The following PRDM5 variants were observed in gnomAD, a reference collection of about 807,000 sequenced individuals.
PRDM5 encodes PR domain zinc finger protein 5.
In PRDM5, 56 loss-of-function variants were observed where a neutral mutation model predicts 81.2. The observed-to-expected ratio is 0.69, with a 90% CI of 0.56 to 0.86. PRDM5 has a LOEUF of 0.86. PRDM5 is among the 40% of genes least tolerant of loss of function. The probability of loss-of-function intolerance (pLI) is 0.00; values close to 1 mark genes in which losing one functional copy is unlikely to be tolerated. For missense variants in PRDM5, 697 were observed against 770.1 expected (o/e 0.91, Z 1.12); for synonymous variants, 267 against 256.4 (o/e 1.04, Z -0.39).
At chr4:120,695,762 C>T (rs565736427) in intron 15 of PRDM5, among the ~76,000 whole-genome samples, 1 of 152,154 alleles carries the variant, frequency 6.6e-6, no homozygotes, top group South Asian at 2.1e-4. Context: ...GCCACATTCC[C>T]ACCTGGCTCA....
intron 2 of PRDM5, among the ~76,000 whole-genome samples, chr4:120,863,954 T>C (rs1760925767): frequency 6.6e-6 from 1 of 152,108 alleles, no homozygotes; most frequent in Non-Finnish European, 1.5e-5. Flanking sequence ...ATCAAAGCAA[T>C]AACAGGAAAT....
At chr4:120,807,943 A>T (rs892310626) in intron 8 of PRDM5, among the ~76,000 whole-genome samples, 4 of 151,816 alleles carry the variant, frequency 2.6e-5, no homozygotes, top group Non-Finnish European at 5.9e-5. Context: ...GGTGAGTGTT[A>T]CAGTTCTTAA....
chr4:120,820,248 T>C (rs888127816), intron 4 of PRDM5, among the ~76,000 whole-genome samples: 1 of 152,198 alleles, frequency 6.6e-6, no homozygotes, highest in Non-Finnish European at 1.5e-5. Flanking sequence ...TTCTGTCACA[T>C]GAGGACACAG....
chr4:120,885,027 C>G (rs1239234090), intron 2 of PRDM5, among the ~76,000 whole-genome samples: 1 of 148,454 alleles, frequency 6.7e-6, no homozygotes, highest in Non-Finnish European at 1.5e-5. Context: ...GTGGGCTACT[C>G]GAGAGGCTGA....
At chr4:120,710,483 G>A (rs1253351552) in intron 14 of PRDM5, 70 bp from the exon 15 acceptor site, 3 of 1,261,834 alleles carry the variant, frequency 2.4e-6, no homozygotes, top group Non-Finnish European at 3.5e-6. Flanking sequence ...CCATATTCAG[G>A]TGTGTGTTAT....
intron 8 of PRDM5, among the ~76,000 whole-genome samples, chr4:120,807,069 G>C (rs1276379123): frequency 6.6e-6 from 1 of 152,154 alleles, no homozygotes; most frequent in African/African-American, 2.4e-5. Context: ...CAAAAGAAGA[G>C]ATTTATGTAG....
At chr4:120,684,646 A>G (rs1266050292), downstream of PRDM5, among the ~76,000 whole-genome samples, 1 of 152,062 alleles carries the variant, frequency 6.6e-6, no homozygotes, top group East Asian at 1.9e-4. Context: ...CTAATTTGCA[A>G]TAGTACTCAT....
At chr4:120,759,108 T>C (rs1745224056) in intron 13 of PRDM5, among the ~76,000 whole-genome samples, 1 of 152,102 alleles carries the variant, frequency 6.6e-6, no homozygotes, top group Admixed American at 6.6e-5. Flanking sequence ...TATCTACACA[T>C]GTTGCCCATG....
intron 3 of PRDM5, among the ~76,000 whole-genome samples, chr4:120,846,120 A>G (rs1202797672): frequency 1.3e-5 from 2 of 152,228 alleles, no homozygotes; most frequent in African/African-American, 4.8e-5. Flanking sequence ...CCTTCGATAG[A>G]ATCTACTCCT....
chr4:120,886,054 G>A (rs1444514829), intron 2 of PRDM5, among the ~76,000 whole-genome samples: 1 of 152,132 alleles, frequency 6.6e-6, no homozygotes, highest in African/African-American at 2.4e-5. Context: ...CAGAAGACAT[G>A]AAACATTCGA....
Position 120,751,676 on chromosome 4 carries a change from G to A in PRDM5, c.1623+2877C>T, listed in dbSNP as rs760573472. 9.7e-4 allele frequency among the ~76,000 whole-genome samples: 147 copies of A among 152,258 alleles called. 1 individual carries two copies. The highest frequency in any genetic ancestry group is 1.9e-4 in the Non-Finnish European group (13 of 68,008). On this transcript the variant is annotated intron_variant, in intron 14 of 15. Coordinates refer to ENST00000264808, the MANE Select transcript of PRDM5 (RefSeq NM_018699.4). Reference sequence around the variant, plus strand: ...TCCACCAGCCTTCACCTCAAACCCTGGTCTCTCCATGAAAGGTCAATGATT... The same window carrying A: ...TCCACCAGCCTTCACCTCAAACCCTAGTCTCTCCATGAAAGGTCAATGATT...
intron 14 of PRDM5, among the ~76,000 whole-genome samples, chr4:120,742,816 A>C (rs1742281949): frequency 6.6e-6 from 1 of 152,056 alleles, no homozygotes; most frequent in African/African-American, 2.4e-5. Flanking sequence ...GTGTACCTGA[A>C]AGTGATGGGG....
chr4:120,724,314 T>C (rs1236432310), intron 14 of PRDM5, among the ~76,000 whole-genome samples: 1 of 152,174 alleles, frequency 6.6e-6, no homozygotes, highest in African/African-American at 2.4e-5. Flanking sequence ...AAGAGTACAA[T>C]GGATTAGTAA....
At chr4:120,842,311 A>C (rs1324721071) in intron 3 of PRDM5, among the ~76,000 whole-genome samples, 1 of 152,246 alleles carries the variant, frequency 6.6e-6, no homozygotes, top group Admixed American at 6.5e-5. Context: ...ACTCGCATGC[A>C]CATATATTTC....
chr4:120,740,275 T>C (rs1190011351), intron 14 of PRDM5, among the ~76,000 whole-genome samples: 1 of 152,216 alleles, frequency 6.6e-6, no homozygotes, highest in South Asian at 2.1e-4. Flanking sequence ...CAAAAGCTGA[T>C]GAAGTTTAGA....
chr4:120,761,140 G>A (rs1745545818), intron 13 of PRDM5, among the ~76,000 whole-genome samples: 1 of 152,120 alleles, frequency 6.6e-6, no homozygotes, highest in Admixed American at 6.6e-5. Context: ...TCTCACTGCT[G>A]GAACACCCGA....
chr4:120,735,956 T>C (rs535409737), intron 14 of PRDM5, among the ~76,000 whole-genome samples: 3 of 152,234 alleles, frequency 2.0e-5, no homozygotes, highest in South Asian at 4.2e-4. Flanking sequence ...CCAAATAATA[T>C]ACATTATACC....
At chr4:120,886,530 T>G (rs1763449891) in intron 2 of PRDM5, among the ~76,000 whole-genome samples, 1 of 152,038 alleles carries the variant, frequency 6.6e-6, no homozygotes, top group African/African-American at 2.4e-5. Context: ...AAAAGAAAAA[T>G]CTCTATAAAG....
At chr4:120,822,027 C>T (rs773543151) in intron 3 of PRDM5, among the ~76,000 whole-genome samples, 1 of 151,524 alleles carries the variant, frequency 6.6e-6, no homozygotes, top group Non-Finnish European at 1.5e-5. Context: ...CAGACATAGT[C>T]GAAATAATAG....
Sources: gnomAD v4.1 joint callset for allele counts (sites outside exome capture counted in the v4.1 genomes callset) on GRCh38, gnomAD v4.1.1 for gene constraint, MANE v1.5 for transcripts, NCBI Gene and HGNC (gene_info 2026-07-23, HGNC 2026-07-21) for gene names.